The following JAM3 variants were observed in gnomAD, a reference collection of about 807,000 sequenced individuals.
The protein encoded by JAM3 is junctional adhesion molecule 3.
Under a neutral mutation model 39.4 loss-of-function variants are expected in JAM3, and 31 were observed. The ratio of observed to expected loss-of-function variants is 0.79; its 90% CI spans 0.59 to 1.06. The LOEUF (loss-of-function observed/expected upper bound fraction) is 1.06, where lower values mean the gene tolerates loss of function less well. Ranked by LOEUF, JAM3 falls within the 50% of genes least tolerant of loss-of-function variation. The probability of loss-of-function intolerance (pLI) is 0.00; values close to 1 mark genes in which losing one functional copy is unlikely to be tolerated. For missense variants in JAM3, 455 were observed against 391.4 expected, an observed-to-expected ratio of 1.16 and a Z score of -1.37; for synonymous variants, 182 against 148.7, an observed-to-expected ratio of 1.22 and a Z score of -1.63.
chr11:134,144,178 C>A, intron 3 of JAM3, 63 bp from the exon 4 acceptor site: 1 of 1,580,010 alleles, frequency 6.3e-7, no homozygotes, highest in East Asian at 2.2e-5. Context: ...CCAGAAACCA[C>A]CCTCTTCAAG....
chr11:134,091,529 G>A (rs1009653281), intron 1 of JAM3, among the ~76,000 whole-genome samples: 1 of 151,608 alleles, frequency 6.6e-6, no homozygotes, highest in Non-Finnish European at 1.5e-5. Flanking sequence ...TGGATAGATA[G>A]ATAGATAGAT....
intron 5 of JAM3, among the ~76,000 whole-genome samples, chr11:134,145,616 A>G (rs780356838): frequency 2.0e-5 from 3 of 152,222 alleles, no homozygotes; most frequent in Non-Finnish European, 4.4e-5. Flanking sequence ...GTCATCAGAC[A>G]GATTTTAACA....
intron 1 of JAM3, among the ~76,000 whole-genome samples, chr11:134,131,795 T>C (rs1322424303): frequency 6.6e-6 from 1 of 152,026 alleles, no homozygotes; most frequent in Non-Finnish European, 1.5e-5. Flanking sequence ...ATACAATAAC[T>C]GAAATGAAAA....
At chr11:134,118,751 C>T (rs7942767) in intron 1 of JAM3, among the ~76,000 whole-genome samples, 23,225 of 152,162 alleles carry the variant, frequency 0.15, 1,940 homozygotes, top group African/African-American at 0.22. Context: ...TGTCTTTCCT[C>T]ATAGCTTCGA....
At chr11:134,092,374 C>G (rs548300310) in intron 1 of JAM3, among the ~76,000 whole-genome samples, 1 of 85,930 alleles carries the variant, frequency 1.2e-5, no homozygotes, top group South Asian at 6.2e-4. Context: ...AACGTCACTT[C>G]CTGAGGGAAG....
chr11:134,091,222 G>C (rs1397520166), intron 1 of JAM3, among the ~76,000 whole-genome samples: 1 of 152,132 alleles, frequency 6.6e-6, no homozygotes, highest in Admixed American at 6.5e-5. Flanking sequence ...AGGGCTGGGC[G>C]TGGTGGCTCA....
chr11:134,080,126 A>G (rs1422202807), intron 1 of JAM3, among the ~76,000 whole-genome samples: 1 of 152,206 alleles, frequency 6.6e-6, no homozygotes, highest in Admixed American at 6.5e-5. Flanking sequence ...TCTGATTTCT[A>G]AGCATCAGAT....
chr11:134,148,372 C>T (rs1591810568), intron 6 of JAM3, 175 bp from the exon 7 acceptor site: 7 of 702,216 alleles, frequency 1.0e-5, no homozygotes, highest in East Asian at 7.9e-5. Flanking sequence ...GTTATGGTGT[C>T]CTATATGTTC....
At chr11:134,125,781 G>C (rs1450859190) in intron 1 of JAM3, among the ~76,000 whole-genome samples, 1 of 152,170 alleles carries the variant, frequency 6.6e-6, no homozygotes, top group Non-Finnish European at 1.5e-5. Context: ...TTCCTGCTTT[G>C]CTAATTATCA....
rs1451291648 is a variant in JAM3 at position 134,151,282 on chromosome 11, T to G, written c.*2101T>G. ...GCCGCCTGGCAGAGGCAGGAAATGC[T>G]CCAGCAGTGGCTCAGTGCTCCCTGG... On this transcript the variant is annotated 3_prime_UTR_variant, in exon 9 of 9. Transcript: ENST00000299106. 4 of 152,230 alleles carry G rather than the reference T, an allele frequency of 2.6e-5. No individual in the cohort carries two copies. The highest frequency in any genetic ancestry group is 2.6e-4 in the Admixed American group (4 of 15,286). The allele number at this position is 152,230 out of a possible 1,614,324, so 9.4% of individuals were successfully genotyped here.
chr11:134,144,608 T>A (rs1181501900), intron 4 of JAM3, among the ~76,000 whole-genome samples, 184 bp from the exon 5 acceptor site: 1 of 152,122 alleles, frequency 6.6e-6, no homozygotes, highest in Non-Finnish European at 1.5e-5. Context: ...GAGGAGGCGC[T>A]TTAACATATG....
At chr11:134,105,287 T>G (rs1942161523) in intron 1 of JAM3, among the ~76,000 whole-genome samples, 1 of 152,180 alleles carries the variant, frequency 6.6e-6, no homozygotes, top group Non-Finnish European at 1.5e-5. Context: ...GAAAAGGCCT[T>G]TGACAAAATT....
At chr11:134,104,071 C>G (rs1336975092) in intron 1 of JAM3, among the ~76,000 whole-genome samples, 1 of 152,318 alleles carries the variant, frequency 6.6e-6, no homozygotes, top group East Asian at 1.9e-4. Flanking sequence ...CTCAGCATCA[C>G]ATCGCACTTA....
At chr11:134,134,489 GA>G (rs1002245972) in intron 1 of JAM3, among the ~76,000 whole-genome samples, 3 of 150,368 alleles carry the variant, frequency 2.0e-5, no homozygotes, top group Non-Finnish European at 4.4e-5. Flanking sequence ...AGACAGAGGG[GA>G]AAAGTACCTT....
chr11:134,127,173 A>G (rs2120801507), intron 1 of JAM3, among the ~76,000 whole-genome samples: 1 of 152,346 alleles, frequency 6.6e-6, no homozygotes, highest in East Asian at 1.9e-4. Context: ...TTAAGAATAC[A>G]GCTTGAAGTG....
intron 1 of JAM3, among the ~76,000 whole-genome samples, chr11:134,099,625 C>T (rs1942039905): frequency 6.6e-6 from 1 of 152,142 alleles, no homozygotes; most frequent in African/African-American, 2.4e-5. Context: ...TATTTAGGGA[C>T]AGAATCTCGC....
intron 1 of JAM3, chr11:134,124,331 G>T: frequency 1.3e-6 from 1 of 763,720 alleles, no homozygotes. Context: ...GGTTCATTAT[G>T]GCAAATGAAA....
At position 134,144,993 on chromosome 11, in the gene JAM3, TG is replaced by T; in HGVS notation, c.612+1del. On this transcript the variant is annotated frameshift_variant and splice_region_variant, in exon 5 of 9. Coordinates refer to ENST00000299106, the MANE Select transcript of JAM3 (RefSeq NM_032801.5). LOFTEE classifies it high-confidence loss of function. Reference protein sequence around the residue: ...SFHLNSETGTLVFTAVHKDDS... With the variant: ...SFHLNSETGTXVFTAVHKDDS... ...CACTTAAACTCTGAAACAGGCACTTTGGTAAGATCTCTTCTAAGAGGTGAGG... is the reference window on the plus strand; with the variant it reads ...CACTTAAACTCTGAAACAGGCACTTTGTAAGATCTCTTCTAAGAGGTGAGG... 1 of 1,610,006 alleles carries T rather than the reference TG, an allele frequency of 6.2e-7. No individual in the cohort carries two copies. The highest frequency in any genetic ancestry group is 8.5e-7 in the Non-Finnish European group (1 of 1,176,176).
chr11:134,129,136 T>C (rs995487980), intron 1 of JAM3, among the ~76,000 whole-genome samples: 1 of 151,744 alleles, frequency 6.6e-6, no homozygotes, highest in Admixed American at 6.6e-5. Context: ...TTTTTTTTTT[T>C]TTTGACAGAG....
Sources: gnomAD v4.1 joint callset for allele counts (sites outside exome capture counted in the v4.1 genomes callset) on GRCh38, gnomAD v4.1.1 for gene constraint, MANE v1.5 for transcripts, NCBI Gene and HGNC (gene_info 2026-07-23, HGNC 2026-07-21) for gene names.